PCCA: variants seen among roughly 807,000 people sequenced by gnomAD.
PCCA encodes the protein propionyl-CoA carboxylase alpha chain, mitochondrial.
In PCCA, 74 loss-of-function variants were observed where a neutral mutation model predicts 101.3. The ratio of observed to expected loss-of-function variants is 0.73; its 90% CI spans 0.61 to 0.89. The LOEUF (loss-of-function observed/expected upper bound fraction) is 0.89, where lower values mean the gene tolerates loss of function less well. PCCA is among the 40% of genes least tolerant of loss of function. PCCA has a pLI of 0.00. For synonymous variants in PCCA, 294 were observed against 313.6 expected, an observed-to-expected ratio of 0.94 and a Z score of 0.66; for missense variants, 891 against 907.0, an observed-to-expected ratio of 0.98 and a Z score of 0.23.
At chr13:100,437,539 GT>G (rs5806161) in intron 20 of PCCA, among the ~76,000 whole-genome samples, 38 of 146,618 alleles carry the variant, frequency 2.6e-4, no homozygotes, top group Non-Finnish European at 3.2e-4. Flanking sequence ...TTGTTTATTT[GT>G]TTTTTTTTTT....
chr13:100,470,256 G>GT (rs2082895195), intron 21 of PCCA, among the ~76,000 whole-genome samples: 3 of 141,928 alleles, frequency 2.1e-5, no homozygotes, highest in East Asian at 5.5e-4. Flanking sequence ...GTGTGTTTTG[G>GT]GTTTTTTTGG....
At chr13:100,527,564 A>C in intron 22 of PCCA, 111 bp from the exon 23 acceptor site, 1 of 763,926 alleles carries the variant, frequency 1.3e-6, no homozygotes. Flanking sequence ...GCTGCTGTTC[A>C]TAGACACATA....
intron 6 of PCCA, among the ~76,000 whole-genome samples, chr13:100,200,144 A>C (rs2058380653): frequency 6.6e-6 from 1 of 152,012 alleles, no homozygotes; most frequent in Non-Finnish European, 1.5e-5. Flanking sequence ...TCACTCTGTC[A>C]CCCAGGCTGG....
Position 100,456,958 on chromosome 13 carries a change from G to A in PCCA, c.1899+7653G>A, listed in dbSNP as rs968192984. Among the ~76,000 whole-genome samples, 34 of 151,994 alleles carry A rather than the reference G, an allele frequency of 2.2e-4. 1 individual carries two copies. The highest frequency in any genetic ancestry group is 3.4e-4 in the Non-Finnish European group (23 of 68,014). ...CCAAGGAAAAGAGACTCCGTTTCGC[G>A]GTCTGCTAAGTAATGGGTGTCTTCG... is the stretch of plus-strand genomic sequence containing the variant. On this transcript the variant is annotated intron_variant, in intron 21 of 23. Coordinates refer to ENST00000376285, the MANE Select transcript of PCCA (RefSeq NM_000282.4).
chr13:100,175,038 A>T lies in PCCA; in HGVS notation c.468+17698A>T, dbSNP rs1245222276. Among the ~76,000 whole-genome samples the T allele has an allele frequency of 6.6e-5, 10 of 152,312 alleles. No homozygotes were observed. In the South Asian group the frequency reaches 1.2e-3, roughly 19 times the overall value. ...AGTTGCAGATTAGATTATGATGAACAGACTATAATCTTCTAATATTCTGTG... is the reference window on the plus strand; with the variant it reads ...AGTTGCAGATTAGATTATGATGAACTGACTATAATCTTCTAATATTCTGTG... On this transcript the variant is annotated intron_variant, in intron 6 of 23. Transcript: ENST00000376285.
intron 17 of PCCA, among the ~76,000 whole-genome samples, chr13:100,332,213 C>T (rs964858728): frequency 6.6e-6 from 1 of 152,148 alleles, no homozygotes; most frequent in East Asian, 1.9e-4. Flanking sequence ...GCTGGGATTA[C>T]AGGCGTGAGC....
chr13:100,107,919 C>CCATG (rs1164800258), intron 2 of PCCA, among the ~76,000 whole-genome samples: 14 of 152,168 alleles, frequency 9.2e-5, no homozygotes, highest in African/African-American at 2.9e-4. Flanking sequence ...GACTCAAAGC[C>CCATG]CATGGATAGT....
intron 7 of PCCA, among the ~76,000 whole-genome samples, chr13:100,220,884 C>CTAA (rs1313712361): frequency 6.6e-6 from 1 of 152,162 alleles, no homozygotes; most frequent in East Asian, 1.9e-4. Flanking sequence ...GGCTCACAGC[C>CTAA]TAATGGTTGG....
chr13:100,155,862 A>C (rs908082967), intron 5 of PCCA, among the ~76,000 whole-genome samples: 2 of 152,240 alleles, frequency 1.3e-5, no homozygotes, highest in Admixed American at 1.3e-4. Flanking sequence ...TAAAAAGCCT[A>C]ATTCGTGAAC....
chr13:100,130,051 C>T (rs1419417761), intron 4 of PCCA, among the ~76,000 whole-genome samples: 2 of 152,142 alleles, frequency 1.3e-5, no homozygotes, highest in African/African-American at 2.4e-5. Flanking sequence ...CTGTGCCATC[C>T]TTTTTTTGTG....
chr13:100,436,919 A>G (rs919770354), intron 20 of PCCA, among the ~76,000 whole-genome samples: 6 of 152,176 alleles, frequency 3.9e-5, no homozygotes, highest in African/African-American at 1.2e-4. Flanking sequence ...CAGAATAACC[A>G]TGGTTTCTGT....
intron 21 of PCCA, among the ~76,000 whole-genome samples, chr13:100,505,838 C>T (rs1348263872): frequency 6.4e-4 from 1 of 1,552 alleles, no homozygotes; most frequent in East Asian, 0.012. Flanking sequence ...CAGAGTGGTA[C>T]CCTGTTTCTC....
At chr13:100,138,934 C>CAAAAAAAAAAAA (rs34466523) in intron 4 of PCCA, among the ~76,000 whole-genome samples, 2 of 83,112 alleles carry the variant, frequency 2.4e-5, no homozygotes, top group African/African-American at 4.7e-5. Flanking sequence ...AACTCCATCT[C>CAAAAAAAAAAAA]AAAAAAAAAA....
In PCCA at chr13:100,245,799, C is replaced by T. The variant is rs143959910; in HGVS notation, c.637+9921C>T. On this transcript the variant is annotated intron_variant, in intron 8 of 23. Coordinates refer to ENST00000376285, the MANE Select transcript of PCCA (RefSeq NM_000282.4). ...TCTCTTTGTTTAAGGTAGTGTCATC[C>T]CTTGCCTACATCACTGTAACAGCTT... Among the ~76,000 whole-genome samples, 564 of 152,256 alleles carry T rather than the reference C, an allele frequency of 3.7e-3. 6 individuals are homozygous for T. The highest frequency in any genetic ancestry group is 8.8e-3 in the Admixed American group (134 of 15,292).
intron 6 of PCCA, among the ~76,000 whole-genome samples, chr13:100,184,064 C>T (rs979189773): frequency 6.6e-6 from 1 of 151,996 alleles, no homozygotes; most frequent in African/African-American, 2.4e-5. Flanking sequence ...GTACAAGAAG[C>T]GTGGTGTCAT....
intron 22 of PCCA, among the ~76,000 whole-genome samples, chr13:100,524,841 C>T (rs2087621042): frequency 6.6e-6 from 1 of 152,080 alleles, no homozygotes; most frequent in African/African-American, 2.4e-5. Flanking sequence ...CGCTGCACTC[C>T]AGCCTGGGCA....
chr13:100,214,542 C>T (rs1025468104), intron 7 of PCCA, among the ~76,000 whole-genome samples: 3 of 151,606 alleles, frequency 2.0e-5, no homozygotes, highest in Non-Finnish European at 4.4e-5. Flanking sequence ...CTCCTGCCTC[C>T]GGCTCCCTGG....
At chr13:100,380,228 A>G (rs2076152431) in intron 19 of PCCA, among the ~76,000 whole-genome samples, 1 of 152,130 alleles carries the variant, frequency 6.6e-6, no homozygotes, top group Non-Finnish European at 1.5e-5. Context: ...TGATGGTGGT[A>G]GCATGTGCCT....
chr13:100,463,336 G>GTTTTTTTT (rs574359198), intron 21 of PCCA, among the ~76,000 whole-genome samples: 1 of 114,332 alleles, frequency 8.7e-6, no homozygotes, highest in African/African-American at 3.4e-5. Flanking sequence ...TATTGGTGTG[G>GTTTTTTTT]TTTTTTTTTT....
Sources: allele counts gnomAD v4.1 joint callset (sites outside exome capture counted in the v4.1 genomes callset), GRCh38; gene constraint gnomAD v4.1.1; transcripts MANE v1.5; gene names NCBI Gene and HGNC (gene_info 2026-07-23, HGNC 2026-07-21).